The following MIPEP variants were observed in gnomAD, a reference collection of about 807,000 sequenced individuals.
MIPEP encodes the protein mitochondrial intermediate peptidase.
A neutral mutation model predicts 90.3 loss-of-function variants in MIPEP; 79 were observed. The ratio of observed to expected loss-of-function variants is 0.87; its 90% CI spans 0.73 to 1.05. The LOEUF (loss-of-function observed/expected upper bound fraction) is 1.05, where lower values mean the gene tolerates loss of function less well. MIPEP is among the 50% of genes least tolerant of loss of function. The pLI is 0.00. For missense variants in MIPEP, 940 were observed against 905.6 expected, an observed-to-expected ratio of 1.04 and a Z score of -0.49; for synonymous variants, 334 against 315.8, an observed-to-expected ratio of 1.06 and a Z score of -0.61.
intron 10 of MIPEP, among the ~76,000 whole-genome samples, chr13:23,842,026 CTTAAA>C (rs1034404665): frequency 5.9e-4 from 90 of 152,214 alleles, no homozygotes; most frequent in African/African-American, 2.1e-3. Context: ...AGTTAGATAT[CTTAAA>C]TTAAAGACAA....
At chr13:23,783,702 C>T (rs1565992864) in intron 16 of MIPEP, among the ~76,000 whole-genome samples, 2 of 152,126 alleles carry the variant, frequency 1.3e-5, no homozygotes. Flanking sequence ...TTAGAAAACC[C>T]CATTGTCTTA....
intron 16 of MIPEP, among the ~76,000 whole-genome samples, chr13:23,781,697 A>AT (rs1952784032): frequency 6.6e-6 from 1 of 152,214 alleles, no homozygotes; most frequent in Non-Finnish European, 1.5e-5. Flanking sequence ...AGTGTGCTGT[A>AT]TTCAGGAAAT....
At chr13:23,849,128 C>T (rs1869686618) in intron 10 of MIPEP, among the ~76,000 whole-genome samples, 1 of 152,234 alleles carries the variant, frequency 6.6e-6, no homozygotes, top group African/African-American at 2.4e-5. Flanking sequence ...CCTGCCTCCA[C>T]AGAGCACTCC....
chr13:23,860,358 G>A (rs1000020065), intron 9 of MIPEP, among the ~76,000 whole-genome samples: 4 of 152,136 alleles, frequency 2.6e-5, no homozygotes, highest in African/African-American at 7.2e-5. Context: ...TTATGTGGCC[G>A]GCACGTAAAT....
At chr13:23,788,215 T>C (rs1343977777) in intron 16 of MIPEP, among the ~76,000 whole-genome samples, 2 of 152,262 alleles carry the variant, frequency 1.3e-5, no homozygotes, top group East Asian at 1.9e-4. Context: ...ACACTATGTA[T>C]ACTTTCCTAT....
At position 23,882,131 on chromosome 13, in the gene MIPEP, G is replaced by A. The variant is rs143175902; in HGVS notation, c.364-344C>T. On this transcript the variant is annotated intron_variant, in intron 2 of 18. Coordinates refer to ENST00000382172, the MANE Select transcript of MIPEP (RefSeq NM_005932.4). The stretch of plus-strand genomic sequence containing the variant: ...GTCGCCCAGGCTGGAGTGCATTGGC[G>A]CAATCTCAGGTCACTGCAAGCTCCG... Among the ~76,000 whole-genome samples the A allele has an allele frequency of 4.2e-3, 613 of 147,488 alleles. 4 individuals are homozygous for A. The highest frequency in any genetic ancestry group is 0.014 in the African/African-American group (571 of 39,702).
chr13:23,801,123 C>T (rs1039832744), intron 16 of MIPEP, among the ~76,000 whole-genome samples: 5 of 152,184 alleles, frequency 3.3e-5, no homozygotes, highest in African/African-American at 1.2e-4. Context: ...TAAAAGGATT[C>T]ATTTCAGAGA....
intron 18 of MIPEP, among the ~76,000 whole-genome samples, chr13:23,755,745 A>T (rs896817051): frequency 1.3e-5 from 2 of 152,246 alleles, no homozygotes; most frequent in African/African-American, 4.8e-5. Flanking sequence ...CAAATAAAAA[A>T]TTACTGAGAA....
intron 15 of MIPEP, among the ~76,000 whole-genome samples, chr13:23,808,106 G>C (rs1406874556): frequency 7.0e-6 from 1 of 142,926 alleles, no homozygotes; most frequent in African/African-American, 2.6e-5. Flanking sequence ...TTTTTTTTTT[G>C]TTTTTTTTTT....
chr13:23,888,781 C>T, intron 1 of MIPEP: 1 of 1,060,686 alleles, frequency 9.4e-7, no homozygotes, highest in Non-Finnish European at 1.1e-6. Context: ...AGCGCTGGAG[C>T]TAAAGGGCTT....
chr13:23,853,721 C>T (rs1475483273), intron 10 of MIPEP, among the ~76,000 whole-genome samples: 3 of 151,972 alleles, frequency 2.0e-5, no homozygotes, highest in Non-Finnish European at 2.9e-5. Flanking sequence ...CCGCCATGCC[C>T]GGCTAATTTT....
Position 23,874,896 on chromosome 13 carries a change from G to A in MIPEP, c.553C>T (p.Leu185=). ...LDPETRRVAE[L]FMFDFEISGI... ...CTAATTTCAAAATCAAACATAAACA[G>A]TTCAGCCACTCGCCTATAAATGAAA... is the stretch of plus-strand genomic sequence containing the variant. The change falls in exon 5 of 19, where the codon CTG becomes TTG. Residue 185 remains leucine (L), a synonymous_variant. Coordinates refer to ENST00000382172, the MANE Select transcript of MIPEP (RefSeq NM_005932.4). 1 of 1,599,568 alleles carries A rather than the reference G, an allele frequency of 6.3e-7. No individual in the cohort carries two copies. Among genetic ancestry groups the A allele is most frequent in the Non-Finnish European group, 8.5e-7 (1 of 1,175,210 alleles).
At chr13:23,745,804 C>T (rs1261401211) in intron 18 of MIPEP, among the ~76,000 whole-genome samples, 1 of 151,554 alleles carries the variant, frequency 6.6e-6, no homozygotes, top group Non-Finnish European at 1.5e-5. Flanking sequence ...GGTGGGCGCC[C>T]GTAATCCCAG....
intron 16 of MIPEP, among the ~76,000 whole-genome samples, chr13:23,791,862 T>C (rs1952900847): frequency 6.6e-6 from 1 of 152,216 alleles, no homozygotes; most frequent in Non-Finnish European, 1.5e-5. Flanking sequence ...TTAGCCTTTG[T>C]CCCACCAACC....
chr13:23,746,228 G>A (rs866853663), intron 18 of MIPEP, among the ~76,000 whole-genome samples: 23 of 151,358 alleles, frequency 1.5e-4, no homozygotes, highest in Middle Eastern at 6.8e-3. Flanking sequence ...TGGCCAGGCT[G>A]GTCTTGAACT....
intron 18 of MIPEP, among the ~76,000 whole-genome samples, chr13:23,733,480 G>A (rs1952226869): frequency 6.6e-6 from 1 of 152,194 alleles, no homozygotes; most frequent in South Asian, 2.1e-4. Flanking sequence ...TCCAGGAGGA[G>A]CAGGGTGGTG....
intron 16 of MIPEP, among the ~76,000 whole-genome samples, chr13:23,799,835 T>A (rs1953013092): frequency 6.6e-6 from 1 of 152,242 alleles, no homozygotes; most frequent in Non-Finnish European, 1.5e-5. Context: ...AAAATAACTT[T>A]TTCATTCTAG....
intron 1 of MIPEP, chr13:23,888,754 T>TCTTA: frequency 9.7e-7 from 1 of 1,031,168 alleles, no homozygotes; most frequent in Non-Finnish European, 1.2e-6. Flanking sequence ...GGGATAGGCC[T>TCTTA]CTTAAGGCAG....
chr13:23,824,884 G>A (rs1953348139), intron 14 of MIPEP, among the ~76,000 whole-genome samples: 1 of 152,114 alleles, frequency 6.6e-6, no homozygotes, highest in Admixed American at 6.5e-5. Context: ...ACCCACCGAT[G>A]GTTTAAAGAA....
Sources: allele counts gnomAD v4.1 joint callset (sites outside exome capture counted in the v4.1 genomes callset), GRCh38; gene constraint gnomAD v4.1.1; transcripts MANE v1.5; gene names NCBI Gene and HGNC (gene_info 2026-07-23, HGNC 2026-07-21).